The following WNT7A variants were observed in gnomAD, a reference collection of about 807,000 sequenced individuals.
WNT7A encodes the protein Wnt family member 7A, also known as protein Wnt-7a.
In WNT7A, 16 loss-of-function variants were observed where a neutral mutation model predicts 28.2. The observed-to-expected ratio is 0.57, with a 90% CI of 0.38 to 0.86. The LOEUF (loss-of-function observed/expected upper bound fraction) is 0.86. WNT7A is among the 40% of genes least tolerant of loss of function. The probability of loss-of-function intolerance (pLI) is 0.00; values close to 1 mark genes in which losing one functional copy is unlikely to be tolerated. For synonymous variants in WNT7A, 190 were observed against 195.9 expected, an observed-to-expected ratio of 0.97 and a Z score of 0.25; for missense variants, 411 against 489.7, an observed-to-expected ratio of 0.84 and a Z score of 1.52.
rs922722505 is a variant in WNT7A, at chr3:13,817,813, A to G, written c.*1131T>C. On this transcript the variant is annotated 3_prime_UTR_variant, in exon 4 of 4. Transcript: ENST00000285018. ...CCTGTGAGGGGCACGATGACCACCC[A>G]CCACAGTGACTCATTTCGAAGCTAC... 4 of 152,162 alleles carry G rather than the reference A, an allele frequency of 2.6e-5. No individual in the cohort carries two copies. Among genetic ancestry groups the G allele is most frequent in the Non-Finnish European group, 4.4e-5 (3 of 68,066 alleles). 9.4% of individuals were successfully genotyped at this position (152,162 alleles called of 1,614,324 possible).
At chr3:13,848,368 C>A (rs538980792) in intron 3 of WNT7A, among the ~76,000 whole-genome samples, 1 of 152,166 alleles carries the variant, frequency 6.6e-6, no homozygotes, top group Non-Finnish European at 1.5e-5. Context: ...AAGAAATATC[C>A]AAACTCACCA....
chr3:13,833,088 C>A (rs1694307762), intron 3 of WNT7A, among the ~76,000 whole-genome samples: 1 of 152,062 alleles, frequency 6.6e-6, no homozygotes, highest in South Asian at 2.1e-4. Flanking sequence ...CCCCAGTAAC[C>A]TGTGTGGCCT....
chr3:13,827,058 C>T (rs745360319), intron 3 of WNT7A, among the ~76,000 whole-genome samples: 9 of 152,228 alleles, frequency 5.9e-5, no homozygotes, highest in Non-Finnish European at 1.0e-4. Flanking sequence ...CTAGTCACTA[C>T]TCCACAGGGT....
chr3:13,869,253 A>C (rs1336478043), intron 2 of WNT7A, among the ~76,000 whole-genome samples: 1 of 145,978 alleles, frequency 6.9e-6, no homozygotes, highest in Non-Finnish European at 1.5e-5. Context: ...AAGAAAAGAA[A>C]GAAAGAGGGA....
chr3:13,879,879 G>C lies in WNT7A; in HGVS notation c.-63C>G. Reference sequence around the variant, plus strand: ...GCTGATCCCGCGGGCCGGCCCCGGCGGGGCAATCAACATAGCCCGCCCGGG... The same window carrying C: ...GCTGATCCCGCGGGCCGGCCCCGGCCGGGCAATCAACATAGCCCGCCCGGG... On this transcript the variant is annotated 5_prime_UTR_variant, in exon 1 of 4. Transcript: ENST00000285018. The C allele has an allele frequency of 6.9e-7, 1 of 1,438,898 alleles. No individual in the cohort carries two copies. 89.1% of individuals were successfully genotyped at this position (1,438,898 alleles called of 1,614,324 possible). A position where few individuals can be genotyped will look rare whatever the true frequency, so the allele number is the denominator to read the frequency against.
chr3:13,839,450 G>A (rs555581148), intron 3 of WNT7A, among the ~76,000 whole-genome samples: 1 of 152,328 alleles, frequency 6.6e-6, no homozygotes, highest in South Asian at 2.1e-4. Context: ...CATACCCTCA[G>A]CCCATGGCGT....
Position 13,854,828 on chromosome 3 carries a change from C to T in WNT7A, c.299-25G>A, listed in dbSNP as rs775192955. On this transcript the variant is annotated intron_variant, in intron 2 of 3. Transcript: ENST00000285018. ...CCTGCGAGGAGGAGAGAAGAGGAGA[C>T]AAGTTGGGGTCAGGTCCCAAGCATC... 22 of 1,610,274 alleles carry T rather than the reference C, an allele frequency of 1.4e-5. No homozygotes were observed. In the South Asian group the frequency reaches 2.4e-4, roughly 18 times the overall value.
intron 2 of WNT7A, among the ~76,000 whole-genome samples, chr3:13,869,665 AGGAG>A (rs1270170322): frequency 6.2e-5 from 6 of 96,864 alleles, no homozygotes; most frequent in Middle Eastern, 5.6e-3. Context: ...GAAAGAGGGA[AGGAG>A]GGAGGGAGGG....
chr3:13,816,770 C>T lies in WNT7A; in HGVS notation c.*2174G>A, dbSNP rs1211144345. The T allele has an allele frequency of 6.6e-6, 1 of 152,212 alleles. No individual in the cohort carries two copies. The highest frequency in any genetic ancestry group is 2.4e-5 in the African/African-American group (1 of 41,390). 9.4% of individuals were successfully genotyped at this position (152,212 alleles called of 1,614,324 possible). A position where few individuals can be genotyped will look rare whatever the true frequency, so the allele number is the denominator to read the frequency against. On this transcript the variant is annotated 3_prime_UTR_variant, in exon 4 of 4. Coordinates refer to ENST00000285018, the MANE Select transcript of WNT7A (RefSeq NM_004625.4). ...CAATCCATCCACCCATCTGTTTATC[C>T]CTTCATCCATCCATCTACCCATCCA...
Position 13,878,176 on chromosome 3 carries a change from C to T in WNT7A, c.71+1570G>A, listed in dbSNP as rs1394652849. On this transcript the variant is annotated intron_variant, in intron 1 of 3. Transcript: ENST00000285018. ...CCCCGCAGGGCCAATCCGGGGAGGC[C>T]GCGGCGCCGGCGGGAGGGCGGCCCG... 2.0e-5 allele frequency among the ~76,000 whole-genome samples: 3 copies of T among 152,230 alleles called. No homozygotes were observed. The South Asian group carries it at 6.2e-4, about 32-fold the overall frequency.
Position 13,818,587 on chromosome 3 carries a change from G to T in WNT7A, c.*357C>A. 6.5e-6 allele frequency: 1 copy of T among 154,376 alleles called. No individual in the cohort carries two copies. The highest frequency in any genetic ancestry group is 1.4e-5 in the Non-Finnish European group (1 of 69,492). 9.6% of individuals were successfully genotyped at this position (154,376 alleles called of 1,614,324 possible). ...TGCAGAAAACGGATCCCGACGAGGT[G>T]GAAGAATTCTTTTTAATTAAATAAA... On this transcript the variant is annotated 3_prime_UTR_variant, in exon 4 of 4. Coordinates refer to ENST00000285018, the MANE Select transcript of WNT7A (RefSeq NM_004625.4).
chr3:13,823,817 G>A (rs913838300), intron 3 of WNT7A, among the ~76,000 whole-genome samples: 13 of 152,196 alleles, frequency 8.5e-5, no homozygotes, highest in South Asian at 8.3e-4. Context: ...GCAGGAAATC[G>A]GAGGGCAGGA....
rs147606485 is a variant in WNT7A, at chr3:13,818,965, C to T, written c.1029G>A (p.Thr343=). 7 of 1,586,340 alleles carry T rather than the reference C, an allele frequency of 4.4e-6. No homozygotes were observed. The highest frequency in any genetic ancestry group is 1.1e-5 in the South Asian group (1 of 87,020). ...GGGCTCACTTGCACGTGTACATCTCCGTGCGCTCGCTGCACGTGTTGCACT... is the reference window on the plus strand; with the variant it reads ...GGGCTCACTTGCACGTGTACATCTCTGTGCGCTCGCTGCACGTGTTGCACT... ...YVKCNTCSER[T]EMYTCK The change falls in exon 4 of 4, where the codon ACG becomes ACA. Residue 343 remains threonine, a synonymous_variant. Coordinates refer to ENST00000285018, the MANE Select transcript of WNT7A (RefSeq NM_004625.4).
At chr3:13,856,902 G>GAAGAAGAAGAAGAAA (rs1559303212) in intron 2 of WNT7A, among the ~76,000 whole-genome samples, 58 of 56,790 alleles carry the variant, frequency 1.0e-3, no homozygotes, top group Admixed American at 2.4e-3. Context: ...AAAAGAAGAA[G>GAAGAAGAAGAAGAAA]AAGAAGAAGA....
At chr3:13,848,892 GC>G (rs2124852568) in intron 3 of WNT7A, among the ~76,000 whole-genome samples, 1 of 152,308 alleles carries the variant, frequency 6.6e-6, no homozygotes, top group East Asian at 1.9e-4. Flanking sequence ...GAGACTCTGT[GC>G]CCTGGAATAC....
chr3:13,818,691 G>A lies in WNT7A; in HGVS notation c.*253C>T, dbSNP rs556558761. On this transcript the variant is annotated 3_prime_UTR_variant, in exon 4 of 4. Transcript: ENST00000285018. ...GGGGTCCAGAGTTCCTGCTGCAGAAGGCTTCGCTCCAGCCGCGGAGGGACC... is the reference window on the plus strand; with the variant it reads ...GGGGTCCAGAGTTCCTGCTGCAGAAAGCTTCGCTCCAGCCGCGGAGGGACC... The A allele has an allele frequency of 1.7e-4, 64 of 374,772 alleles. 1 individual carries two copies. Among genetic ancestry groups the A allele is most frequent in the African/African-American group, 1.3e-3 (64 of 48,726 alleles). 23.2% of individuals were successfully genotyped at this position (374,772 alleles called of 1,614,324 possible).
intron 1 of WNT7A, among the ~76,000 whole-genome samples, chr3:13,878,614 A>G (rs1695151448): frequency 6.6e-6 from 1 of 152,124 alleles, no homozygotes; most frequent in African/African-American, 2.4e-5. Context: ...AGAGACGTGG[A>G]CTGGGGAAGT....
intron 2 of WNT7A, among the ~76,000 whole-genome samples, chr3:13,862,552 C>T (rs942702307): frequency 3.9e-5 from 6 of 152,264 alleles, no homozygotes; most frequent in East Asian, 1.9e-4. Context: ...TTGCCAGCCC[C>T]GTGGCATGGC....
chr3:13,858,496 G>A (rs929192521), intron 2 of WNT7A, among the ~76,000 whole-genome samples: 13 of 152,176 alleles, frequency 8.5e-5, no homozygotes, highest in African/African-American at 2.9e-4. Context: ...AACCACAGAT[G>A]GCTTCCACCC....
Sources: gnomAD v4.1 joint callset for allele counts (sites outside exome capture counted in the v4.1 genomes callset) on GRCh38, gnomAD v4.1.1 for gene constraint, MANE v1.5 for transcripts, NCBI Gene and HGNC (gene_info 2026-07-23, HGNC 2026-07-21) for gene names.